The following USP34 variants were observed in gnomAD, a reference collection of about 807,000 sequenced individuals.
USP34 encodes the protein ubiquitin specific peptidase 34.
USP34 carries 70 observed loss-of-function variants against 460.3 expected under a neutral mutation model. The ratio of observed to expected loss-of-function variants is 0.15; its 90% CI spans 0.13 to 0.19. The LOEUF (loss-of-function observed/expected upper bound fraction) is 0.19. Ranked by LOEUF, USP34 falls within the 10% of genes least tolerant of loss-of-function variation. USP34 has a pLI of 1.00. For missense variants in USP34, 3,985 were observed against 4,236.2 expected (o/e 0.94, Z 1.65); for synonymous variants, 1,647 against 1,405.3 (o/e 1.17, Z -3.85).
chr2:61,304,136 G>C (rs150567671), intron 27 of USP34, among the ~76,000 whole-genome samples: 2 of 152,096 alleles, frequency 1.3e-5, no homozygotes, highest in Non-Finnish European at 2.9e-5. Flanking sequence ...GACCGCAAAT[G>C]ATCCGCCTGC....
chr2:61,385,855 G>A (rs1362857177), intron 5 of USP34, among the ~76,000 whole-genome samples: 3 of 150,312 alleles, frequency 2.0e-5, no homozygotes, highest in African/African-American at 7.3e-5. Context: ...AATGAGCCAG[G>A]TGTGGTGACG....
In USP34 at chr2:61,406,140, A is replaced by T; in HGVS notation, c.132-12T>A. 1 of 1,515,084 alleles carries T rather than the reference A, an allele frequency of 6.6e-7. No homozygotes were observed. The highest frequency in any genetic ancestry group is 8.8e-7 in the Non-Finnish European group (1 of 1,134,714). The allele number at this position is 1,515,084 out of a possible 1,614,324, so 93.9% of individuals were successfully genotyped here. ...AGCATAGACATTGCCTATAAGAGAA[A>T]AAAAATTGAATAAATTAGTAATAAA... On this transcript the variant is annotated splice_polypyrimidine_tract_variant and intron_variant, in intron 2 of 79. Coordinates refer to ENST00000398571, the MANE Select transcript of USP34 (RefSeq NM_014709.4).
chr2:61,404,330 T>C (rs1263374414), intron 3 of USP34, among the ~76,000 whole-genome samples: 1 of 152,116 alleles, frequency 6.6e-6, no homozygotes, highest in Non-Finnish European at 1.5e-5. Flanking sequence ...TATTCCAGGA[T>C]GCACAGGAAA....
intron 35 of USP34, among the ~76,000 whole-genome samples, chr2:61,284,026 T>C (rs1689615034): frequency 6.6e-6 from 1 of 152,076 alleles, no homozygotes; most frequent in Non-Finnish European, 1.5e-5. Flanking sequence ...GCAGGGTGTC[T>C]AGTCAATAAA....
chr2:61,375,351 TTAAAGG>T (rs1434697940), intron 8 of USP34, among the ~76,000 whole-genome samples: 1 of 152,106 alleles, frequency 6.6e-6, no homozygotes, highest in East Asian at 1.9e-4. Context: ...CCAATGAAAG[TTAAAGG>T]TAAACTAATC....
intron 21 of USP34, among the ~76,000 whole-genome samples, 184 bp downstream of exon 21, chr2:61,325,191 A>T (rs1237600172): frequency 6.6e-6 from 1 of 151,720 alleles, no homozygotes; most frequent in Non-Finnish European, 1.5e-5. Context: ...CCCAATCCCT[A>T]CCAGTACGCA....
At chr2:61,284,688 A>G (rs746366197) in intron 35 of USP34, among the ~76,000 whole-genome samples, 187 bp downstream of exon 35, 5 of 152,196 alleles carry the variant, frequency 3.3e-5, no homozygotes, top group Non-Finnish European at 5.9e-5. Context: ...AAAATACGTG[A>G]CTCATAAATA....
intron 3 of USP34, among the ~76,000 whole-genome samples, chr2:61,396,526 T>A (rs938776582): frequency 1.3e-5 from 2 of 150,936 alleles, no homozygotes; most frequent in African/African-American, 2.4e-5. Context: ...TCTCGCACTG[T>A]CGCTCAGGCT....
At chr2:61,316,655 C>T (rs181181343) in intron 23 of USP34, among the ~76,000 whole-genome samples, 2,049 of 152,030 alleles carry the variant, frequency 0.013, 17 homozygotes, top group Non-Finnish European at 0.022. Flanking sequence ...GAGGCCAAGG[C>T]GGGTGGATCA....
rs1689038375 is a variant in USP34 at position 61,266,154 on chromosome 2, T to C, written c.5447A>G (p.Asp1816Gly). 10 of 1,609,166 alleles carry C rather than the reference T, an allele frequency of 6.2e-6. No homozygotes were observed. The highest frequency in any genetic ancestry group is 1.7e-5 in the Admixed American group (1 of 59,616). Residue 1816 changes from aspartate (D) to glycine (G), a missense_variant, in exon 42 of 80, where the codon GAT (aspartate) becomes GGT (glycine). Physicochemically the swap from Asp to Gly is moderately conservative, Grantham distance 94. Around this residue, in one of 14 missense-constraint regions of USP34, gnomAD observed 1,114 missense variants for 1,122.5 expected, o/e 0.99. Transcript: ENST00000398571. ...FSREGQEFLRDIFNLLFLLPS... is the reference protein window; with the variant it reads ...FSREGQEFLRGIFNLLFLLPS... The stretch of plus-strand genomic sequence containing the variant: ...CAACAAAAACAGGAGATTGAAGATA[T>C]CTCTCAAAAATTCCTGGGGAGTAAA...
At chr2:61,207,851 C>T (rs1269035349) in intron 70 of USP34, 1 of 152,058 alleles carries the variant, frequency 6.6e-6, no homozygotes, top group African/African-American at 2.4e-5. Flanking sequence ...AATGTTTTCC[C>T]CCTTACCTTT....
intron 5 of USP34, among the ~76,000 whole-genome samples, chr2:61,386,812 T>C (rs1482924395): frequency 2.0e-5 from 3 of 152,022 alleles, no homozygotes; most frequent in Non-Finnish European, 4.4e-5. Flanking sequence ...AAAAAAAACT[T>C]TGTAAGTATC....
At chr2:61,343,280 A>G (rs1198835732) in intron 16 of USP34, among the ~76,000 whole-genome samples, 1 of 151,926 alleles carries the variant, frequency 6.6e-6, no homozygotes, top group African/African-American at 2.4e-5. Flanking sequence ...ACCTTCCTCC[A>G]TCCTCCATTC....
chr2:61,335,337 G>C (rs1005496483), intron 18 of USP34, among the ~76,000 whole-genome samples: 1 of 152,170 alleles, frequency 6.6e-6, no homozygotes, highest in African/African-American at 2.4e-5. Context: ...GCATAAAAGG[G>C]AAGTGTTATA....
chr2:61,425,924 T>G (rs1022047861), intron 1 of USP34, among the ~76,000 whole-genome samples: 1 of 151,838 alleles, frequency 6.6e-6, no homozygotes, highest in Non-Finnish European at 1.5e-5. Flanking sequence ...TCTTGCATCT[T>G]GGATACCAGC....
At chr2:61,206,946 A>T (rs1269533393) in intron 70 of USP34, 60 bp from the exon 71 acceptor site, 16 of 1,558,108 alleles carry the variant, frequency 1.0e-5, no homozygotes, top group Non-Finnish European at 1.4e-5. Flanking sequence ...GAGCCACAAA[A>T]TGGTAGTACT....
At chr2:61,263,168 A>G (rs942158167) in intron 43 of USP34, among the ~76,000 whole-genome samples, 1 of 119,392 alleles carries the variant, frequency 8.4e-6, no homozygotes, top group Non-Finnish European at 1.7e-5. Flanking sequence ...ACCACCACAC[A>G]TGGAATTTTT....
intron 41 of USP34, 92 bp downstream of exon 41, chr2:61,278,073 T>C (rs1451832094): frequency 6.8e-7 from 1 of 1,467,256 alleles, no homozygotes; most frequent in Admixed American, 2.0e-5. Flanking sequence ...GGTATGCCTT[T>C]ATGAGCAGTG....
chr2:61,400,858 AT>A (rs1693694842), intron 3 of USP34, among the ~76,000 whole-genome samples: 3 of 152,152 alleles, frequency 2.0e-5, no homozygotes, highest in African/African-American at 7.2e-5. Context: ...TGATTCAAAA[AT>A]TAAAAAATAA....
Sources: allele counts gnomAD v4.1 joint callset (sites outside exome capture counted in the v4.1 genomes callset), GRCh38; gene constraint gnomAD v4.1.1; regional missense constraint gnomAD v4.1.1; transcripts MANE v1.5; gene names NCBI Gene and HGNC (gene_info 2026-07-23, HGNC 2026-07-21).